KCNIP4: variants seen among roughly 807,000 people sequenced by gnomAD.
KCNIP4 encodes Kv channel-interacting protein 4.
A neutral mutation model predicts 34.0 loss-of-function variants in KCNIP4; 12 were observed. The ratio of observed to expected loss-of-function variants is 0.35; its 90% CI spans 0.23 to 0.57. The LOEUF (loss-of-function observed/expected upper bound fraction) is 0.57. KCNIP4 is among the 20% of genes least tolerant of loss of function. KCNIP4 has a pLI of 0.83. For synonymous variants in KCNIP4, 124 were observed against 102.2 expected, an observed-to-expected ratio of 1.21 and a Z score of -1.29; for missense variants, 238 against 311.7, an observed-to-expected ratio of 0.76 and a Z score of 1.78.
intron 1 of KCNIP4, among the ~76,000 whole-genome samples, chr4:21,040,849 G>GTT (rs376094669): frequency 1.4e-5 from 2 of 147,320 alleles, no homozygotes; most frequent in African/African-American, 5.0e-5. Flanking sequence ...TATAAGAAGC[G>GTT]TTTTTTTTTC....
At chr4:21,180,682 T>G (rs1314365086) in intron 1 of KCNIP4, among the ~76,000 whole-genome samples, 8 of 150,964 alleles carry the variant, frequency 5.3e-5, no homozygotes, top group Non-Finnish European at 3.0e-5. Context: ...TGTGTATTTG[T>G]GTGTATATAT....
intron 1 of KCNIP4, among the ~76,000 whole-genome samples, chr4:21,064,391 C>T (rs1226601975): frequency 4.6e-5 from 7 of 150,792 alleles, no homozygotes; most frequent in South Asian, 2.1e-4. Flanking sequence ...TTTTTACTCC[C>T]GTTACCTCAC....
intron 1 of KCNIP4, among the ~76,000 whole-genome samples, chr4:21,098,508 T>C (rs948854065): frequency 6.6e-6 from 1 of 152,206 alleles, no homozygotes; most frequent in African/African-American, 2.4e-5. Context: ...CTAAGAATTA[T>C]GCTAAACTTA....
intron 1 of KCNIP4, among the ~76,000 whole-genome samples, chr4:20,883,073 T>C (rs962643921): frequency 1.4e-5 from 2 of 147,200 alleles, no homozygotes; most frequent in African/African-American, 2.5e-5. Flanking sequence ...AAGAGTTAAC[T>C]GGATTGAAAT....
At chr4:20,843,401 T>C (rs1043244439) in intron 3 of KCNIP4, among the ~76,000 whole-genome samples, 2 of 152,200 alleles carry the variant, frequency 1.3e-5, no homozygotes, top group Non-Finnish European at 2.9e-5. Context: ...CTCTGTATGA[T>C]TTCAAATGTT....
chr4:21,556,012 A>G (rs1447372631), intron 1 of KCNIP4, among the ~76,000 whole-genome samples: 1 of 152,146 alleles, frequency 6.6e-6, no homozygotes, highest in Non-Finnish European at 1.5e-5. Flanking sequence ...TTGCAAAGGA[A>G]AGAGTATCTT....
intron 1 of KCNIP4, among the ~76,000 whole-genome samples, chr4:21,444,806 C>T (rs1398113155): frequency 1.3e-5 from 2 of 152,096 alleles, no homozygotes; most frequent in South Asian, 2.1e-4. Flanking sequence ...AAATAAAGGA[C>T]ATTCAATTAG....
intron 1 of KCNIP4, among the ~76,000 whole-genome samples, chr4:21,764,858 G>A (rs1373710583): frequency 6.6e-6 from 1 of 152,050 alleles, no homozygotes; most frequent in Admixed American, 6.6e-5. Flanking sequence ...GATGTGGAGT[G>A]TACAGGCATT....
chr4:21,734,625 T>C lies in KCNIP4; in HGVS notation c.61+213946A>G, dbSNP rs1715853844. On this transcript the variant is annotated intron_variant, in intron 1 of 8. Coordinates refer to ENST00000382152, the MANE Select transcript of KCNIP4 (RefSeq NM_025221.6). ...AATACAAATAAAGCACAAGATACAA[T>C]TGCTATCTTTAAACACTTGACTCAA... Among the ~76,000 whole-genome samples, 4 of 152,162 alleles carry C rather than the reference T, an allele frequency of 2.6e-5. No homozygotes were observed. In the South Asian group the frequency reaches 6.2e-4, roughly 24 times the overall value.
intron 1 of KCNIP4, among the ~76,000 whole-genome samples, chr4:21,066,358 A>G (rs1744380143): frequency 6.6e-6 from 1 of 152,182 alleles, no homozygotes; most frequent in Admixed American, 6.5e-5. Flanking sequence ...GGAACACCAC[A>G]TTGACCAACT....
rs114882709 is a variant in KCNIP4, at chr4:21,374,911, G to A, written c.62-492202C>T. Among the ~76,000 whole-genome samples the A allele has an allele frequency of 2.4e-3, 356 of 147,284 alleles. 63 individuals are homozygous for A. Among genetic ancestry groups the A allele is most frequent in the African/African-American group, 9.2e-3 (342 of 36,986 alleles). ...GGCACAGCCATGGAAAGCATTTCTT[G>A]GACTTATTTATACCATCAGTACCCT... On this transcript the variant is annotated intron_variant, in intron 1 of 8. Transcript: ENST00000382152.
At chr4:21,664,453 C>T (rs750719877) in intron 1 of KCNIP4, among the ~76,000 whole-genome samples, 4 of 152,004 alleles carry the variant, frequency 2.6e-5, no homozygotes. Flanking sequence ...GCAATTATTC[C>T]CATAGCATAT....
At chr4:21,105,162 A>T (rs182284192) in intron 1 of KCNIP4, among the ~76,000 whole-genome samples, 42,617 of 151,424 alleles carry the variant, frequency 0.28, 6,845 homozygotes, top group African/African-American at 0.41. Flanking sequence ...TGGGGATGGC[A>T]TTGAATCTAT....
At chr4:21,247,883 CCACAGGTAGATATATATATATATAT>C (rs1760395776) in intron 1 of KCNIP4, among the ~76,000 whole-genome samples, 1 of 128,736 alleles carries the variant, frequency 7.8e-6, no homozygotes, top group African/African-American at 3.1e-5. Context: ...CACACACACA[CCACAGGTAGATATATATATATATAT>C]ACACACACAC....
intron 1 of KCNIP4, among the ~76,000 whole-genome samples, chr4:20,992,324 A>G (rs932064879): frequency 6.6e-6 from 1 of 152,124 alleles, no homozygotes; most frequent in African/African-American, 2.4e-5. Flanking sequence ...TTGTAAAACC[A>G]TCACATTTCA....
At chr4:20,793,525 T>C (rs1713051151) in intron 3 of KCNIP4, among the ~76,000 whole-genome samples, 1 of 152,066 alleles carries the variant, frequency 6.6e-6, no homozygotes, top group Non-Finnish European at 1.5e-5. Flanking sequence ...ACTTTCAAGG[T>C]GTATACTTTA....
chr4:21,032,228 C>T (rs983025873), intron 1 of KCNIP4, among the ~76,000 whole-genome samples: 10 of 152,062 alleles, frequency 6.6e-5, no homozygotes, highest in East Asian at 1.9e-4. Flanking sequence ...TACATGAGCC[C>T]GGATGGCTTC....
intron 1 of KCNIP4, among the ~76,000 whole-genome samples, chr4:20,935,942 G>A (rs1731013747): frequency 6.6e-6 from 1 of 152,156 alleles, no homozygotes; most frequent in South Asian, 2.1e-4. Context: ...TAGTGTTTAG[G>A]CACTTTGTGA....
At chr4:21,903,496 A>C (rs897953493) in intron 1 of KCNIP4, among the ~76,000 whole-genome samples, 4 of 152,232 alleles carry the variant, frequency 2.6e-5, no homozygotes, top group African/African-American at 9.6e-5. Context: ...TTGGTCTTTC[A>C]AAGCTTAAAC....
Sources: gnomAD v4.1 joint callset for allele counts (sites outside exome capture counted in the v4.1 genomes callset) on GRCh38, gnomAD v4.1.1 for gene constraint, MANE v1.5 for transcripts, NCBI Gene and HGNC (gene_info 2026-07-23, HGNC 2026-07-21) for gene names.